GPT2: variants seen among roughly 807,000 people sequenced by gnomAD.
GPT2 encodes alanine aminotransferase 2.
GPT2 carries 30 observed loss-of-function variants against 56.9 expected under a neutral mutation model. That is an observed-to-expected ratio of 0.53 (90% CI 0.39 to 0.72). The LOEUF (loss-of-function observed/expected upper bound fraction) is 0.72. Among genes scored for constraint, GPT2 ranks in the 30% least tolerant of loss-of-function variants. GPT2 has a pLI of 0.00. For synonymous variants in GPT2, 271 were observed against 283.1 expected (o/e 0.96, Z 0.43); for missense variants, 542 against 703.4 (o/e 0.77, Z 2.60).
In GPT2 at chr16:46,930,279, G is replaced by A. The variant is rs561699586; in HGVS notation, c.*1282G>A. ...CACACTCGAGGCTGCGGTGCTACGG[G>A]CTTAGCCCTCGCCTCCCTCACTGGG... On this transcript the variant is annotated 3_prime_UTR_variant, in exon 12 of 12. Coordinates refer to ENST00000340124, the MANE Select transcript of GPT2 (RefSeq NM_133443.4). The A allele has an allele frequency of 1.3e-5, 2 of 152,438 alleles. No homozygotes were observed. The highest frequency in any genetic ancestry group is 4.1e-4 in the South Asian group (2 of 4,832). 9.4% of individuals were successfully genotyped at this position (152,438 alleles called of 1,614,324 possible).
chr16:46,906,546 GC>G (rs1187769276), intron 4 of GPT2, among the ~76,000 whole-genome samples: 1 of 152,164 alleles, frequency 6.6e-6, no homozygotes, highest in Non-Finnish European at 1.5e-5. Context: ...AGAAGCCAGG[GC>G]CTAGAATAAT....
chr16:46,911,599 C>T (rs1961048194), intron 6 of GPT2, among the ~76,000 whole-genome samples: 1 of 152,100 alleles, frequency 6.6e-6, no homozygotes, highest in Admixed American at 6.5e-5. Context: ...GAGGCCACAC[C>T]CTAGGATCTC....
intron 2 of GPT2, among the ~76,000 whole-genome samples, chr16:46,887,996 A>G (rs1960518136): frequency 6.6e-6 from 1 of 152,242 alleles, no homozygotes; most frequent in Non-Finnish European, 1.5e-5. Context: ...CACTGCGAGC[A>G]GCACTTAAAA....
chr16:46,898,906 A>G (rs1272626118), intron 3 of GPT2, among the ~76,000 whole-genome samples: 1 of 145,902 alleles, frequency 6.9e-6, no homozygotes, highest in East Asian at 2.0e-4. Flanking sequence ...ATATACACAT[A>G]TATATACACA....
intron 2 of GPT2, among the ~76,000 whole-genome samples, chr16:46,896,950 C>T (rs935377045): frequency 6.6e-6 from 1 of 152,260 alleles, no homozygotes; most frequent in Non-Finnish European, 1.5e-5. Flanking sequence ...GTAACCCCAA[C>T]ACTTTGGGAG....
At chr16:46,926,356 G>A (rs898823846) in intron 10 of GPT2, among the ~76,000 whole-genome samples, 1 of 152,036 alleles carries the variant, frequency 6.6e-6, no homozygotes, top group African/African-American at 2.4e-5. Context: ...GGCTGAGGCA[G>A]GAGAATTGCT....
At chr16:46,902,783 G>A (rs942804961) in intron 4 of GPT2, among the ~76,000 whole-genome samples, 4 of 151,948 alleles carry the variant, frequency 2.6e-5, no homozygotes, top group Admixed American at 1.3e-4. Flanking sequence ...GCGCCACCAC[G>A]CCTGGGTAAT....
chr16:46,889,831 G>A (rs1308978024), intron 2 of GPT2, among the ~76,000 whole-genome samples: 3 of 152,212 alleles, frequency 2.0e-5, no homozygotes, highest in Admixed American at 6.5e-5. Context: ...AGAGTGGTCT[G>A]GGGATAAGAA....
At chr16:46,918,503 AGGCTGGGCC>A (rs1961216164) in intron 7 of GPT2, 109 bp from the exon 8 acceptor site, 4 of 1,163,922 alleles carry the variant, frequency 3.4e-6, no homozygotes, top group Admixed American at 2.1e-5. Context: ...ATGGCACAGG[AGGCTGGGCC>A]GGCTGGGCCT....
intron 6 of GPT2, among the ~76,000 whole-genome samples, chr16:46,911,377 G>C (rs779181593): frequency 9.2e-5 from 14 of 152,016 alleles, no homozygotes; most frequent in Non-Finnish European, 1.3e-4. Context: ...TCTGTTTCTC[G>C]GGAACATCAA....
At chr16:46,923,723 A>T (rs1961343096) in intron 9 of GPT2, 1 of 155,472 alleles carries the variant, frequency 6.4e-6, no homozygotes, top group Non-Finnish European at 1.4e-5. Flanking sequence ...AGGCCCAGTC[A>T]CTGACCTTGA....
In GPT2 at chr16:46,924,466, T is replaced by G; in HGVS notation, c.1290T>G (p.Ile430Met). 6.2e-7 allele frequency: 1 copy of G among 1,614,198 alleles called. No homozygotes were observed. The highest frequency in any genetic ancestry group is 8.5e-7 in the Non-Finnish European group (1 of 1,180,032). ...TEDLFNQVPGIHCNPLQGAMY... is the reference protein window; with the variant it reads ...TEDLFNQVPGMHCNPLQGAMY... ...ACCTGTTTAACCAAGTCCCAGGAAT[T>G]CACTGCAACCCCTTGCAGGGGGCCA... The change falls in exon 10 of 12, where the codon ATT becomes ATG. Residue 430 changes from isoleucine (I) to methionine (M), a missense_variant. Transcript: ENST00000340124.
intron 2 of GPT2, among the ~76,000 whole-genome samples, chr16:46,887,393 G>A (rs751841408): frequency 1.4e-4 from 22 of 152,170 alleles, no homozygotes; most frequent in Non-Finnish European, 2.1e-4. Flanking sequence ...GCTTGAACCC[G>A]GAAGGTGGAG....
chr16:46,885,628 G>A (rs1960468921), intron 2 of GPT2: 1 of 768,168 alleles, frequency 1.3e-6, no homozygotes, highest in Non-Finnish European at 1.6e-6. Flanking sequence ...GGGGCCCTGG[G>A]ACTTTCTTCA....
At chr16:46,907,023 G>GAGC in intron 5 of GPT2, 48 bp downstream of exon 5, 1 of 1,610,516 alleles carries the variant, frequency 6.2e-7, no homozygotes, top group Non-Finnish European at 8.5e-7. Context: ...CCCACATGAA[G>GAGC]AGCAGCCTTG....
intron 9 of GPT2, chr16:46,924,001 C>T: frequency 1.7e-5 from 6 of 352,716 alleles, no homozygotes; most frequent in South Asian, 1.4e-4. Flanking sequence ...CCTAGAACTC[C>T]CTGGTGTCTG....
chr16:46,897,938 G>A (rs955908394), intron 3 of GPT2, among the ~76,000 whole-genome samples: 1 of 152,224 alleles, frequency 6.6e-6, no homozygotes, highest in East Asian at 1.9e-4. Flanking sequence ...TGGTGTAGGA[G>A]CCTCCCAGGG....
chr16:46,928,197 G>A (rs770066124), intron 11 of GPT2, among the ~76,000 whole-genome samples: 7 of 151,952 alleles, frequency 4.6e-5, no homozygotes, highest in Non-Finnish European at 1.0e-4. Context: ...GGATGTTGGC[G>A]CATGCCCGTA....
intron 7 of GPT2, 69 bp from the exon 8 acceptor site, chr16:46,918,552 G>A: frequency 6.4e-7 from 1 of 1,571,796 alleles, no homozygotes; most frequent in Non-Finnish European, 8.7e-7. Context: ...GCCCTCCCTT[G>A]CCTTGGCCAC....
Sources: allele counts gnomAD v4.1 joint callset (sites outside exome capture counted in the v4.1 genomes callset), GRCh38; gene constraint gnomAD v4.1.1; transcripts MANE v1.5; gene names NCBI Gene and HGNC (gene_info 2026-07-23, HGNC 2026-07-21).